RADX: variants seen among roughly 807,000 people sequenced by gnomAD.
RADX encodes RPA1 related single stranded DNA binding protein, X-linked, also known as RPA-related protein RADX.
A neutral mutation model predicts 61.6 loss-of-function variants in RADX; 36 were observed. The observed-to-expected ratio is 0.58, with a 90% CI of 0.45 to 0.77. The LOEUF (loss-of-function observed/expected upper bound fraction) is 0.77. Ranked by LOEUF, RADX falls within the 30% of genes least tolerant of loss-of-function variation. RADX has a pLI of 0.00. For missense variants in RADX, 497 were observed against 651.1 expected (o/e 0.76, Z 2.58); for synonymous variants, 272 against 237.9 (o/e 1.14, Z -1.32).
chrX:106,632,083 T>TA (rs1434235118), intron 3 of RADX, among the ~76,000 whole-genome samples: 1 of 111,787 alleles, frequency 8.9e-6, no homozygotes, highest in African/African-American at 3.3e-5. Context: ...GGGAGACACA[T>TA]ACAAAAATTT....
At chrX:106,664,996 C>CTA (rs1328369571) in intron 12 of RADX, among the ~76,000 whole-genome samples, 1 of 111,604 alleles carries the variant, frequency 9.0e-6, no homozygotes, top group Non-Finnish European at 1.9e-5. Context: ...CTATCTACAT[C>CTA]TATACTTCAA....
intron 3 of RADX, among the ~76,000 whole-genome samples, chrX:106,627,290 A>G (rs1309534039): frequency 8.9e-6 from 1 of 111,745 alleles, no homozygotes. Flanking sequence ...ATCTTTAAAC[A>G]TTACCTGCAT....
chrX:106,626,348 A>G (rs771247157), intron 3 of RADX, among the ~76,000 whole-genome samples: 3 of 112,085 alleles, frequency 2.7e-5, no homozygotes, highest in Admixed American at 9.5e-5. Flanking sequence ...AAAACCTTAT[A>G]TGATTATTTA....
intron 6 of RADX, among the ~76,000 whole-genome samples, chrX:106,635,881 T>C (rs1054098828): frequency 8.9e-6 from 1 of 112,494 alleles, no homozygotes; most frequent in Non-Finnish European, 1.9e-5. Flanking sequence ...AGTTGAAATC[T>C]GAAGACATTA....
At chrX:106,675,593 C>T (rs1159374748) in intron 13 of RADX, among the ~76,000 whole-genome samples, 1 of 112,238 alleles carries the variant, frequency 8.9e-6, no homozygotes, top group Non-Finnish European at 1.9e-5. Context: ...TGATCCCAGC[C>T]TAGCTACAAG....
chrX:106,648,142 TG>T (rs1172649679), intron 10 of RADX, among the ~76,000 whole-genome samples, 170 bp from the exon 11 acceptor site: 5 of 111,774 alleles, frequency 4.5e-5, no homozygotes, highest in African/African-American at 1.6e-4. Flanking sequence ...GTTTTATATA[TG>T]GATATTTTTC....
chrX:106,677,947 C>T (rs900720576), intron 13 of RADX, among the ~76,000 whole-genome samples, 181 bp from the exon 14 acceptor site: 1 of 110,601 alleles, frequency 9.0e-6, no homozygotes, highest in Non-Finnish European at 1.9e-5. Flanking sequence ...GATATGTTCA[C>T]CTTTATCTGC....
At chrX:106,644,405 G>A (rs1175820045) in intron 10 of RADX, among the ~76,000 whole-genome samples, 1 of 111,172 alleles carries the variant, frequency 9.0e-6, no homozygotes, top group Non-Finnish European at 1.9e-5. Context: ...CTAGTTGTGG[G>A]TCTTTCATAT....
At chrX:106,639,940 G>T in intron 9 of RADX, 2 of 175,997 alleles carry the variant, frequency 1.1e-5, no homozygotes, top group Non-Finnish European at 2.1e-5. Flanking sequence ...CATTTATTTG[G>T]GGGCAGACTA....
intron 12 of RADX, among the ~76,000 whole-genome samples, chrX:106,665,012 A>G (rs1220968465): frequency 8.9e-6 from 1 of 111,945 alleles, no homozygotes; most frequent in African/African-American, 3.2e-5. Flanking sequence ...TTCAAGTACT[A>G]CTTAGAATGA....
intron 3 of RADX, among the ~76,000 whole-genome samples, chrX:106,629,066 C>G (rs1927143843): frequency 1.8e-5 from 2 of 111,821 alleles, no homozygotes; most frequent in African/African-American, 6.5e-5. Flanking sequence ...ATTCTGTATA[C>G]CTTTTACAAA....
At chrX:106,631,784 AAAAGAAAGAG>A (rs1927230423) in intron 3 of RADX, among the ~76,000 whole-genome samples, 2 of 103,450 alleles carry the variant, frequency 1.9e-5, no homozygotes, top group Non-Finnish European at 1.9e-5. Context: ...AAGAAAGAAG[AAAAGAAAGAG>A]AAAGAAAGAA....
Position 106,612,418 on chromosome X carries a change from G to T in RADX, c.338G>T (p.Ser113Ile). 1 of 1,211,544 alleles carries T rather than the reference G, an allele frequency of 8.3e-7. No homozygotes were observed. The highest frequency in any genetic ancestry group is 1.1e-6 in the Non-Finnish European group (1 of 895,339). The change falls in exon 1 of 14, where the codon AGC becomes ATC. Residue 113 changes from serine (S) to isoleucine (I), a missense_variant. Coordinates refer to ENST00000372548, the MANE Select transcript of RADX (RefSeq NM_018015.6). Reference sequence around the variant, plus strand: ...CAGGAGAAGTGCTACCTGGACCCCAGCTTGAACTCTCTCGTATATCAAAAT... The same window carrying T: ...CAGGAGAAGTGCTACCTGGACCCCATCTTGAACTCTCTCGTATATCAAAAT... The part of the protein sequence containing the change: ...VYQEKCYLDP[S>I]LNSLVYQNIL...
chrX:106,612,051 G>A lies in RADX; in HGVS notation c.-30G>A, dbSNP rs1374957953. On this transcript the variant is annotated 5_prime_UTR_variant, in exon 1 of 14. Coordinates refer to ENST00000372548, the MANE Select transcript of RADX (RefSeq NM_018015.6). Reference sequence around the variant, plus strand: ...TTTGGACGGGGCAAACTAGCTTTTGGGAGTGAAGCGGGTACGCAGTTATCC... The same window carrying A: ...TTTGGACGGGGCAAACTAGCTTTTGAGAGTGAAGCGGGTACGCAGTTATCC... The A allele has an allele frequency of 2.2e-5, 26 of 1,178,638 alleles. No individual in the cohort carries two copies. The highest frequency in any genetic ancestry group is 3.0e-5 in the Non-Finnish European group (26 of 879,714).
chrX:106,671,732 A>C, intron 13 of RADX, among the ~76,000 whole-genome samples: 1 of 111,787 alleles, frequency 8.9e-6, no homozygotes, highest in African/African-American at 3.2e-5. Flanking sequence ...AATATATATT[A>C]TTATTTTGAT....
At chrX:106,629,378 G>A (rs1179715358) in intron 3 of RADX, among the ~76,000 whole-genome samples, 1 of 111,915 alleles carries the variant, frequency 8.9e-6, no homozygotes, top group Non-Finnish European at 1.9e-5. Context: ...TAAAGGTAAA[G>A]TGAATATTTC....
intron 10 of RADX, among the ~76,000 whole-genome samples, chrX:106,642,986 T>G (rs778999891): frequency 9.0e-6 from 1 of 111,119 alleles, no homozygotes; most frequent in African/African-American, 3.3e-5. Context: ...TTTTTGAGGG[T>G]TTTTTTCATG....
intron 13 of RADX, among the ~76,000 whole-genome samples, chrX:106,671,715 A>G (rs1469760731): frequency 8.9e-6 from 1 of 111,899 alleles, no homozygotes; most frequent in Non-Finnish European, 1.9e-5. Context: ...GTGGATAGAT[A>G]AGCAAAAATA....
chrX:106,669,301 A>G lies in RADX; in HGVS notation c.2408A>G (p.Asp803Gly). The change falls in exon 13 of 14, where the codon GAC becomes GGC. Residue 803 changes from aspartate (D) to glycine (G), a missense_variant. Physicochemically the swap from Asp to Gly is moderately conservative, Grantham distance 94. This residue lies in a region of RADX where 267 missense variants were observed against 306.9 expected (regional missense o/e 0.87). Coordinates refer to ENST00000372548, the MANE Select transcript of RADX (RefSeq NM_018015.6). ...TATCCACAGGACACAACTGGAAATG[A>G]CCGATTGCCAGGTCCAAGAGCGGTT... is the stretch of plus-strand genomic sequence containing the variant. ...CAYPQDTTGN[D>G]RLPGPRAVAG... 8.3e-7 allele frequency: 1 copy of G among 1,203,201 alleles called. No homozygotes were observed.
Sources: gnomAD v4.1 joint callset for allele counts (sites outside exome capture counted in the v4.1 genomes callset) on GRCh38, gnomAD v4.1.1 for gene constraint, gnomAD v4.1.1 regional missense constraint, MANE v1.5 for transcripts, NCBI Gene and HGNC (gene_info 2026-07-23, HGNC 2026-07-21) for gene names.